Variants in SGPL1 observed in about 807,000 individuals in gnomAD.
SGPL1 encodes SP-lyase 1.
In SGPL1, 37 loss-of-function variants were observed where a neutral mutation model predicts 68.9. That is an observed-to-expected ratio of 0.54 (90% CI 0.41 to 0.71). The LOEUF is 0.71. Among genes scored for constraint, SGPL1 ranks in the 30% least tolerant of loss-of-function variants. SGPL1 has a pLI of 0.00. For missense variants in SGPL1, 551 were observed against 704.6 expected (o/e 0.78, Z 2.47); for synonymous variants, 236 against 248.5 (o/e 0.95, Z 0.47).
At chr10:70,821,980 C>G (rs1413030704) in intron 2 of SGPL1, among the ~76,000 whole-genome samples, 4 of 152,216 alleles carry the variant, frequency 2.6e-5, no homozygotes, top group African/African-American at 4.8e-5. Context: ...TTGCAAACAG[C>G]AAGCTTCCCT....
intron 2 of SGPL1, among the ~76,000 whole-genome samples, chr10:70,837,561 C>T (rs1440123363): frequency 6.6e-6 from 1 of 152,036 alleles, no homozygotes; most frequent in Non-Finnish European, 1.5e-5. Context: ...AAAATAGTGC[C>T]TTCATACAGT....
chr10:70,867,866 C>T lies in SGPL1; in HGVS notation c.616-479C>T, dbSNP rs1479676680. On this transcript the variant is annotated intron_variant, in intron 7 of 14. Coordinates refer to ENST00000373202, the MANE Select transcript of SGPL1 (RefSeq NM_003901.4). ...AGTAGAAACTTCTGCTTTTCTCTGT[C>T]TTTCAAACTTGTCAAAATCAGCAGT... Among the ~76,000 whole-genome samples the T allele has an allele frequency of 2.0e-5, 3 of 152,184 alleles. No homozygotes were observed. The East Asian group carries it at 5.8e-4, about 29-fold the overall frequency.
chr10:70,866,942 C>T (rs1846201765), intron 7 of SGPL1, among the ~76,000 whole-genome samples: 1 of 152,160 alleles, frequency 6.6e-6, no homozygotes, highest in Non-Finnish European at 1.5e-5. Context: ...GTCACTTTCT[C>T]TGATTCCATC....
chr10:70,818,870 G>A (rs1268139864), intron 2 of SGPL1, among the ~76,000 whole-genome samples: 3 of 152,126 alleles, frequency 2.0e-5, no homozygotes, highest in Admixed American at 6.5e-5. Flanking sequence ...CTATAAGTAA[G>A]CAAAAGGAAA....
intron 2 of SGPL1, among the ~76,000 whole-genome samples, chr10:70,827,168 C>A (rs76552193): frequency 0.016 from 2,440 of 152,246 alleles, 46 homozygotes; most frequent in African/African-American, 0.054. Flanking sequence ...TTATTTCCAC[C>A]CAACTTGGCA....
chr10:70,830,740 T>C (rs192063084), intron 2 of SGPL1, among the ~76,000 whole-genome samples: 1 of 152,328 alleles, frequency 6.6e-6, no homozygotes, highest in East Asian at 1.9e-4. Context: ...TTTGTAATTA[T>C]ATAAGATTTT....
At chr10:70,820,791 G>A (rs1310771365) in intron 2 of SGPL1, among the ~76,000 whole-genome samples, 1 of 151,940 alleles carries the variant, frequency 6.6e-6, no homozygotes, top group African/African-American at 2.4e-5. Flanking sequence ...AAAAATTTGT[G>A]TTTTATTTTC....
At chr10:70,847,074 G>A (rs541881627) in intron 3 of SGPL1, among the ~76,000 whole-genome samples, 84 of 152,158 alleles carry the variant, frequency 5.5e-4, no homozygotes, top group African/African-American at 1.8e-3. Context: ...ATTGTTAGTC[G>A]TAGTATACTG....
rs181250230 is a variant in SGPL1, at chr10:70,852,805, A to G, written c.261+1595A>G. On this transcript the variant is annotated intron_variant, in intron 4 of 14. Coordinates refer to ENST00000373202, the MANE Select transcript of SGPL1 (RefSeq NM_003901.4). ...TTATTGAGCCACCTGCTCAGTGTCA[A>G]GTACTTTTCTGGGTGCTGGGGATAT... Among the ~76,000 whole-genome samples, 405 of 152,348 alleles carry G rather than the reference A, an allele frequency of 2.7e-3. 2 individuals carry two copies. Among genetic ancestry groups the G allele is most frequent in the Middle Eastern group, 0.01 (3 of 294 alleles).
At position 70,861,876 on chromosome 10, in the gene SGPL1, C is replaced by T. The variant is rs186966952; in HGVS notation, c.615+2377C>T. Among the ~76,000 whole-genome samples, 1,342 of 152,344 alleles carry T rather than the reference C, an allele frequency of 8.8e-3. 23 individuals carry two copies. The highest frequency in any genetic ancestry group is 0.031 in the African/African-American group (1,272 of 41,580). ...TTCTCGCTGGGCCTTAGCTGCCTTC[C>T]CCTGGGGCAGGGCTCGGGACCTGCA... On this transcript the variant is annotated intron_variant, in intron 7 of 14. Transcript: ENST00000373202.
chr10:70,830,229 G>A (rs1845509875), intron 2 of SGPL1, among the ~76,000 whole-genome samples: 1 of 152,116 alleles, frequency 6.6e-6, no homozygotes, highest in Admixed American at 6.5e-5. Context: ...GTACAACTCT[G>A]GTGTTTTGTA....
chr10:70,816,817 A>T lies in SGPL1; in HGVS notation c.-37A>T, dbSNP rs1261669295. 1 of 1,608,476 alleles carries T rather than the reference A, an allele frequency of 6.2e-7. No homozygotes were observed. On this transcript the variant is annotated 5_prime_UTR_variant, in exon 2 of 15. Transcript: ENST00000373202. Reference sequence around the variant, plus strand: ...ACCTGGTTCCCTTTTACAGAGTCTGAAAAAGGGGAGCGCGGAGAGGAGGCT... The same window carrying T: ...ACCTGGTTCCCTTTTACAGAGTCTGTAAAAGGGGAGCGCGGAGAGGAGGCT...
intron 2 of SGPL1, among the ~76,000 whole-genome samples, chr10:70,821,721 G>A (rs1052342848): frequency 6.6e-6 from 1 of 152,170 alleles, no homozygotes; most frequent in Admixed American, 6.5e-5. Flanking sequence ...TGAGAAACTG[G>A]TATGAAGTTT....
chr10:70,843,670 T>G (rs1325867722), intron 2 of SGPL1, among the ~76,000 whole-genome samples: 2 of 150,708 alleles, frequency 1.3e-5, no homozygotes, highest in Non-Finnish European at 2.9e-5. Context: ...TTTTTCTTGC[T>G]CGTACCAGGT....
chr10:70,847,568 A>G (rs1845811893), intron 3 of SGPL1, among the ~76,000 whole-genome samples: 1 of 152,120 alleles, frequency 6.6e-6, no homozygotes, highest in Non-Finnish European at 1.5e-5. Flanking sequence ...GGATACCACT[A>G]TTGTATTTCT....
Position 70,880,244 on chromosome 10 carries a change from T to TA in SGPL1, c.*2910dup, listed in dbSNP as rs1846477186. 6.6e-6 allele frequency: 1 copy of TA among 152,298 alleles called. No homozygotes were observed. Among genetic ancestry groups the TA allele is most frequent in the Non-Finnish European group, 1.5e-5 (1 of 68,046 alleles). The allele number at this position is 152,298 out of a possible 1,614,324, so 9.4% of individuals were successfully genotyped here. On this transcript the variant is annotated 3_prime_UTR_variant, in exon 15 of 15. Coordinates refer to ENST00000373202, the MANE Select transcript of SGPL1 (RefSeq NM_003901.4). ...TGAAACAATCGTGTGTGCCCACTGATACCAAGACCAATGAAAGAGACACAG... is the reference window on the plus strand; with the variant it reads ...TGAAACAATCGTGTGTGCCCACTGATAACCAAGACCAATGAAAGAGACACAG...
intron 1 of SGPL1, among the ~76,000 whole-genome samples, 164 bp downstream of exon 1, chr10:70,816,290 G>T (rs1211284206): frequency 2.0e-5 from 3 of 150,112 alleles, no homozygotes; most frequent in African/African-American, 4.9e-5. Context: ...GGCACCAGCC[G>T]CTGAGGTCCA....
rs1846484751 is a variant in SGPL1 at position 70,880,897 on chromosome 10, C to T, written c.*3562C>T. On this transcript the variant is annotated 3_prime_UTR_variant, in exon 15 of 15. Transcript: ENST00000373202. ...GGGTGCTTATTGCTGCTCCATACAG[C>T]TGTACGTCAGCCCCTTGGCCTTCTC... 1 of 152,150 alleles carries T rather than the reference C, an allele frequency of 6.6e-6. No individual in the cohort carries two copies. The highest frequency in any genetic ancestry group is 2.4e-5 in the African/African-American group (1 of 41,416). 9.4% of individuals were successfully genotyped at this position (152,150 alleles called of 1,614,324 possible). A position where few individuals can be genotyped will look rare whatever the true frequency, so the allele number is the denominator to read the frequency against.
chr10:70,871,458 AT>A (rs1414468529), intron 10 of SGPL1, among the ~76,000 whole-genome samples: 1 of 152,168 alleles, frequency 6.6e-6, no homozygotes, highest in African/African-American at 2.4e-5. Context: ...AAAGGGTGAT[AT>A]TCCACATGCT....
Sources: gnomAD v4.1 joint callset for allele counts (sites outside exome capture counted in the v4.1 genomes callset) on GRCh38, gnomAD v4.1.1 for gene constraint, MANE v1.5 for transcripts, NCBI Gene and HGNC (gene_info 2026-07-23, HGNC 2026-07-21) for gene names.